NNT: variants seen among roughly 807,000 people sequenced by gnomAD.
NNT encodes the protein nicotinamide nucleotide transhydrogenase, also known as NAD(P) transhydrogenase, mitochondrial.
A neutral mutation model predicts 104.8 loss-of-function variants in NNT; 50 were observed. The observed-to-expected ratio is 0.48, with a 90% confidence interval of 0.38 to 0.60. The LOEUF (loss-of-function observed/expected upper bound fraction) is 0.60, where lower values mean the gene tolerates loss of function less well. Among genes scored for constraint, NNT ranks in the 20% least tolerant of loss-of-function variants. The probability of loss-of-function intolerance (pLI) is 0.00; values close to 1 mark genes in which losing one functional copy is unlikely to be tolerated. For missense variants in NNT, 1,131 were observed against 1,330.7 expected (o/e 0.85, Z 2.33); for synonymous variants, 461 against 490.4 (o/e 0.94, Z 0.79).
intron 21 of NNT, among the ~76,000 whole-genome samples, chr5:43,703,479 A>G (rs1402935418): frequency 6.6e-6 from 1 of 152,224 alleles, no homozygotes; most frequent in East Asian, 1.9e-4. Flanking sequence ...AAATTGTGTC[A>G]GTAGTCAATA....
At chr5:43,630,844 AG>A (rs946774450) in intron 7 of NNT, among the ~76,000 whole-genome samples, 1 of 152,156 alleles carries the variant, frequency 6.6e-6, no homozygotes, top group Non-Finnish European at 1.5e-5. Flanking sequence ...GAGAGCTTAA[AG>A]GGTTCTTGGT....
chr5:43,673,443 C>G (rs1055088296), intron 17 of NNT, among the ~76,000 whole-genome samples: 1 of 152,096 alleles, frequency 6.6e-6, no homozygotes, highest in African/African-American at 2.4e-5. Context: ...TCACTGGACT[C>G]TTTTTTTAAA....
chr5:43,639,102 C>T (rs1424452572), intron 7 of NNT, among the ~76,000 whole-genome samples: 1 of 151,960 alleles, frequency 6.6e-6, no homozygotes, highest in Non-Finnish European at 1.5e-5. Context: ...TATTCTTTTG[C>T]TACATAGCAA....
In NNT at chr5:43,681,199, G is replaced by A. The variant is rs1207898794; in HGVS notation, c.2876+3393G>A. Among the ~76,000 whole-genome samples the A allele has an allele frequency of 3.4e-5, 5 of 145,992 alleles. No individual in the cohort carries two copies. In the East Asian group the frequency reaches 6.2e-4, roughly 18 times the overall value. ...GGCGTGAACCCAGGAGGTGGAGCTCGCAGTGAGCCAAGATCGTGCCATTGC... is the reference window on the plus strand; with the variant it reads ...GGCGTGAACCCAGGAGGTGGAGCTCACAGTGAGCCAAGATCGTGCCATTGC... On this transcript the variant is annotated intron_variant, in intron 19 of 21. Coordinates refer to ENST00000344920, the MANE Select transcript of NNT (RefSeq NM_182977.3).
chr5:43,650,679 C>T, intron 12 of NNT, 92 bp downstream of exon 12: 2 of 931,598 alleles, frequency 2.1e-6, no homozygotes, highest in Non-Finnish European at 3.2e-6. Context: ...ATTGTGCCTT[C>T]AAAAAATGTT....
At position 43,662,842 on chromosome 5, in the gene NNT, T is replaced by A. The variant is rs1561301443; in HGVS notation, c.2634+3492T>A. Among the ~76,000 whole-genome samples, 3 of 150,812 alleles carry A rather than the reference T, an allele frequency of 2.0e-5. No homozygotes were observed. In the South Asian group the frequency reaches 6.3e-4, roughly 32 times the overall value. On this transcript the variant is annotated intron_variant, in intron 17 of 21. Transcript: ENST00000344920. Reference sequence around the variant, plus strand: ...TGGGGAGGTTGAGGCTGCAATGAGCTGTGATTGTACCACTGGACTGCAGCC... The same window carrying A: ...TGGGGAGGTTGAGGCTGCAATGAGCAGTGATTGTACCACTGGACTGCAGCC...
chr5:43,628,378 C>T lies in NNT; in HGVS notation c.955C>T (p.Leu319Phe). Residue 319 changes from leucine (L) to phenylalanine (F), a missense_variant, in exon 7 of 22, where the codon CTT becomes TTT. Physicochemically the swap from Leu to Phe is conservative, Grantham distance 22. Transcript: ENST00000344920. ...GGTAGACATCCTTATCAGCACAGCA[C>T]TTATTCCAGGTATGCCATTAAGTAA... ...KEVDILISTA[L>F]IPGKKAPVLF... 1 of 1,596,426 alleles carries T rather than the reference C, an allele frequency of 6.3e-7. No homozygotes were observed. The highest frequency in any genetic ancestry group is 2.3e-5 in the East Asian group (1 of 43,948).
intron 19 of NNT, among the ~76,000 whole-genome samples, chr5:43,678,873 A>T (rs896577844): frequency 1.3e-5 from 2 of 152,034 alleles, no homozygotes; most frequent in Non-Finnish European, 2.9e-5. Flanking sequence ...GCTGCACTTT[A>T]TTTCTTCCTT....
intron 14 of NNT, among the ~76,000 whole-genome samples, chr5:43,654,391 T>C (rs192752026): frequency 8.1e-4 from 124 of 152,366 alleles, no homozygotes; most frequent in Non-Finnish European, 1.4e-3. Context: ...AGCTGTGACA[T>C]TGTGAATAGC....
chr5:43,615,189 G>A (rs1298930733), intron 3 of NNT, among the ~76,000 whole-genome samples: 2 of 152,094 alleles, frequency 1.3e-5, no homozygotes, highest in Non-Finnish European at 2.9e-5. Flanking sequence ...AATAAAAAAT[G>A]GATATTGGAA....
intron 17 of NNT, among the ~76,000 whole-genome samples, chr5:43,664,840 T>C (rs1255591253): frequency 6.6e-6 from 1 of 152,182 alleles, no homozygotes; most frequent in Non-Finnish European, 1.5e-5. Flanking sequence ...TAAAAATAAT[T>C]TCGTTTTTAA....
At chr5:43,700,814 C>A (rs1017273613) in intron 20 of NNT, among the ~76,000 whole-genome samples, 2 of 152,202 alleles carry the variant, frequency 1.3e-5, no homozygotes, top group African/African-American at 4.8e-5. Flanking sequence ...TAAAATTAAA[C>A]CACTTCCCTC....
intron 17 of NNT, among the ~76,000 whole-genome samples, chr5:43,665,221 T>A (rs62367652): frequency 0.033 from 4,965 of 148,706 alleles, 131 homozygotes; most frequent in Non-Finnish European, 0.053. Context: ...TTTATTTATT[T>A]ATTATTATTA....
Position 43,609,254 on chromosome 5 carries a change from TG to T in NNT, c.63del (p.Ser22ProfsTer7), listed in dbSNP as rs1749381115. ...TGCSCPLLSN[L>X]GSCKGLRVKK... ...TGCTCGTGTCCTCTACTTAGCAATT[TG>T]GGGTCCTGTAAGGGTCTACGTGTGA... On this transcript the variant is annotated frameshift_variant, in exon 2 of 22. Transcript: ENST00000344920. LOFTEE classifies it high-confidence loss of function. 3.7e-6 allele frequency: 6 copies of T among 1,614,058 alleles called. No individual in the cohort carries two copies. The highest frequency in any genetic ancestry group is 5.1e-6 in the Non-Finnish European group (6 of 1,179,930).
intron 17 of NNT, among the ~76,000 whole-genome samples, chr5:43,665,909 C>T (rs1021088020): frequency 3.3e-5 from 5 of 151,576 alleles, no homozygotes; most frequent in Admixed American, 2.6e-4. Context: ...CCTCACTTCC[C>T]GGACGGGGTG....
At position 43,675,580 on chromosome 5, in the gene NNT, C is replaced by T. The variant is rs80011859; in HGVS notation, c.2704C>T (p.Pro902Ser). ...CACCACTTCAACAGCTGGTGGAAAACCCATGGAAATTTCTGGCACACATAC... is the reference window on the plus strand; with the variant it reads ...CACCACTTCAACAGCTGGTGGAAAATCCATGGAAATTTCTGGCACACATAC... ...YGTTSTAGGKPMEISGTHTEI... is the reference protein window; with the variant it reads ...YGTTSTAGGKSMEISGTHTEI... Residue 902 changes from proline (P) to serine (S), a missense_variant, in exon 18 of 22, where the codon CCC becomes TCC. Coordinates refer to ENST00000344920, the MANE Select transcript of NNT (RefSeq NM_182977.3). 4 of 1,613,396 alleles carry T rather than the reference C, an allele frequency of 2.5e-6. No individual in the cohort carries two copies. The highest frequency in any genetic ancestry group is 3.4e-6 in the Non-Finnish European group (4 of 1,179,842).
At chr5:43,662,010 G>C (rs996587738) in intron 17 of NNT, among the ~76,000 whole-genome samples, 3 of 152,180 alleles carry the variant, frequency 2.0e-5, no homozygotes, top group Non-Finnish European at 4.4e-5. Flanking sequence ...TTAAATGGGA[G>C]GATTTGAAGG....
chr5:43,677,348 A>G (rs13186083), intron 18 of NNT, among the ~76,000 whole-genome samples: 1 of 151,972 alleles, frequency 6.6e-6, no homozygotes, highest in African/African-American at 2.4e-5. Flanking sequence ...TTAGGCTGGG[A>G]CAGGGGACCG....
intron 19 of NNT, among the ~76,000 whole-genome samples, chr5:43,683,309 T>C (rs549654334): frequency 2.0e-5 from 3 of 152,352 alleles, no homozygotes; most frequent in Admixed American, 6.5e-5. Flanking sequence ...TCTGTTATGC[T>C]CCTAGAAAGT....
Sources: gnomAD v4.1 joint callset for allele counts (sites outside exome capture counted in the v4.1 genomes callset) on GRCh38, gnomAD v4.1.1 for gene constraint, MANE v1.5 for transcripts, NCBI Gene and HGNC (gene_info 2026-07-23, HGNC 2026-07-21) for gene names.